RYR3: variants seen among roughly 807,000 people sequenced by gnomAD.
The protein encoded by RYR3 is brain ryanodine receptor-calcium release channel.
A neutral mutation model predicts 584.3 loss-of-function variants in RYR3; 207 were observed. The ratio of observed to expected loss-of-function variants is 0.35; its 90% CI spans 0.32 to 0.40. The LOEUF is 0.40. RYR3 is among the 10% of genes least tolerant of loss of function. The pLI is 1.00. For missense variants in RYR3, 5,616 were observed against 6,089.2 expected (o/e 0.92, Z 2.59); for synonymous variants, 2,416 against 2,248.5 (o/e 1.07, Z -2.11).
At chr15:33,619,651 T>C in intron 19 of RYR3, among the ~76,000 whole-genome samples, 1 of 152,228 alleles carries the variant, frequency 6.6e-6, no homozygotes, top group Non-Finnish European at 1.5e-5. Flanking sequence ...GTTCTATCTA[T>C]TTGAATATAA....
intron 43 of RYR3, among the ~76,000 whole-genome samples, chr15:33,712,399 G>A (rs2067188166): frequency 6.6e-6 from 1 of 152,210 alleles, no homozygotes; most frequent in Non-Finnish European, 1.5e-5. Flanking sequence ...TCACATTGAA[G>A]CTTAAAGATT....
At chr15:33,582,892 A>G (rs535166189) in intron 14 of RYR3, among the ~76,000 whole-genome samples, 1 of 152,346 alleles carries the variant, frequency 6.6e-6, no homozygotes, top group South Asian at 2.1e-4. Flanking sequence ...ATTCCAATTC[A>G]AACCTATCAT....
intron 80 of RYR3, among the ~76,000 whole-genome samples, chr15:33,822,417 T>C (rs1262138807): frequency 6.6e-6 from 1 of 152,244 alleles, no homozygotes; most frequent in African/African-American, 2.4e-5. Context: ...AGCCTTTAAC[T>C]CATCCCCCTA....
At chr15:33,739,048 A>G (rs992768905) in intron 50 of RYR3, among the ~76,000 whole-genome samples, 2 of 152,124 alleles carry the variant, frequency 1.3e-5, no homozygotes, top group African/African-American at 4.8e-5. Flanking sequence ...CTTTGCAAGC[A>G]CTCATTTGAG....
Position 33,662,472 on chromosome 15 carries a change from A to C in RYR3, c.4942A>C (p.Lys1648Gln). The C allele has an allele frequency of 6.2e-7, 1 of 1,614,050 alleles. No individual in the cohort carries two copies. ...RNIRLFPDES[K>Q]RHGLPGVGLR... ...TATCCGCCTCTTCCCGGACGAGTCC[A>C]AGAGGCATGGACTGCCTGGGGTGGG... The change falls in exon 35 of 104, where the codon AAG (lysine) becomes CAG (glutamine). Residue 1648 changes from lysine (K) to glutamine (Q), a missense_variant. By Grantham distance (53) the Lys-to-Gln change is moderately conservative (BLOSUM62 1). Transcript: ENST00000634891.
chr15:33,669,852 G>GT lies in RYR3; in HGVS notation c.5722+396_5722+397insT, dbSNP rs1566919686. On this transcript the variant is annotated intron_variant, in intron 37 of 103. Coordinates refer to ENST00000634891, the MANE Select transcript of RYR3 (RefSeq NM_001036.6). ...TAGGGGTGTGTGTGTGTGGGGGGGG[G>GT]GGGGGGTGTGGGTGTGTGGGTGTGT... 9.6e-4 allele frequency among the ~76,000 whole-genome samples: 39 copies of GT among 40,584 alleles called. 1 individual carries two copies. Among genetic ancestry groups the GT allele is most frequent in the African/African-American group, 2.4e-3 (37 of 15,594 alleles). 26.6% of individuals were successfully genotyped at this position (40,584 alleles called of 152,430 possible). A position where few individuals can be genotyped will look rare whatever the true frequency, so the allele number is the denominator to read the frequency against.
chr15:33,724,487 T>C (rs1042092287), intron 45 of RYR3, among the ~76,000 whole-genome samples: 39 of 152,166 alleles, frequency 2.6e-4, no homozygotes, highest in Non-Finnish European at 2.2e-4. Flanking sequence ...GGGAGCAACT[T>C]GATTCTGGAT....
intron 43 of RYR3, among the ~76,000 whole-genome samples, chr15:33,717,030 T>A (rs2067545808): frequency 6.6e-6 from 1 of 152,232 alleles, no homozygotes; most frequent in Admixed American, 6.5e-5. Context: ...ATTCAAGTTT[T>A]ATTTGGCATA....
chr15:33,857,770 T>G lies in RYR3; in HGVS notation c.14008-10T>G. 2 of 1,614,000 alleles carry G rather than the reference T, an allele frequency of 1.2e-6. No individual in the cohort carries two copies. Among genetic ancestry groups the G allele is most frequent in the Non-Finnish European group, 1.7e-6 (2 of 1,179,864 alleles). On this transcript the variant is annotated splice_polypyrimidine_tract_variant and intron_variant, in intron 98 of 103. Transcript: ENST00000634891. ...CACTCCTTTTCCTTTCTCTGTCCTC[T>G]CATTCCCAGTTGGTTCTGACTGTCG...
At chr15:33,652,271 C>T (rs1027905908) in intron 31 of RYR3, among the ~76,000 whole-genome samples, 1 of 152,150 alleles carries the variant, frequency 6.6e-6, no homozygotes, top group Non-Finnish European at 1.5e-5. Flanking sequence ...AAGTGTTTTA[C>T]AGCCTTTTGC....
intron 36 of RYR3, among the ~76,000 whole-genome samples, chr15:33,667,320 T>C (rs1309232080): frequency 6.6e-6 from 1 of 152,244 alleles, no homozygotes; most frequent in Admixed American, 6.5e-5. Flanking sequence ...CGTGGCCCTA[T>C]AGGCAGAATT....
At chr15:33,314,706 A>G (rs1567009420) in intron 1 of RYR3, among the ~76,000 whole-genome samples, 1 of 152,078 alleles carries the variant, frequency 6.6e-6, no homozygotes, top group Non-Finnish European at 1.5e-5. Context: ...CGAGGTCAGG[A>G]GATCGAGACC....
At chr15:33,436,558 T>A (rs1233179366) in intron 1 of RYR3, among the ~76,000 whole-genome samples, 3 of 151,418 alleles carry the variant, frequency 2.0e-5, no homozygotes, top group Admixed American at 1.3e-4. Flanking sequence ...TGGAGTGCAG[T>A]GATGCAATCT....
chr15:33,489,670 A>G (rs1216711009), intron 2 of RYR3, among the ~76,000 whole-genome samples: 1 of 152,204 alleles, frequency 6.6e-6, no homozygotes, highest in African/African-American at 2.4e-5. Context: ...ATGAATATTC[A>G]TGTGGAATAG....
intron 2 of RYR3, among the ~76,000 whole-genome samples, chr15:33,489,106 T>C (rs887457994): frequency 2.0e-5 from 3 of 152,170 alleles, no homozygotes; most frequent in Non-Finnish European, 4.4e-5. Context: ...AGGCCTGAAT[T>C]TTGCTACCTG....
chr15:33,401,047 G>A (rs1399941614), intron 1 of RYR3, among the ~76,000 whole-genome samples: 1 of 152,114 alleles, frequency 6.6e-6, no homozygotes, highest in Non-Finnish European at 1.5e-5. Flanking sequence ...TGGAACATGT[G>A]AAAGGCATTA....
chr15:33,557,814 A>G (rs1307763489), intron 10 of RYR3, among the ~76,000 whole-genome samples: 1 of 152,214 alleles, frequency 6.6e-6, no homozygotes, highest in Non-Finnish European at 1.5e-5. Flanking sequence ...TCAGCCAAAT[A>G]CTAATATGAC....
At chr15:33,351,408 A>G (rs1438806988) in intron 1 of RYR3, among the ~76,000 whole-genome samples, 1 of 152,132 alleles carries the variant, frequency 6.6e-6, no homozygotes, top group Non-Finnish European at 1.5e-5. Context: ...AACTCATTTT[A>G]TGAGGCCAGC....
At chr15:33,565,334 G>C (rs1259489292) in intron 11 of RYR3, among the ~76,000 whole-genome samples, 1 of 152,104 alleles carries the variant, frequency 6.6e-6, no homozygotes, top group African/African-American at 2.4e-5. Context: ...TTCTCACAAA[G>C]TAATATTTTC....
Sources: gnomAD v4.1 joint callset for allele counts (sites outside exome capture counted in the v4.1 genomes callset) on GRCh38, gnomAD v4.1.1 for gene constraint, MANE v1.5 for transcripts, NCBI Gene and HGNC (gene_info 2026-07-23, HGNC 2026-07-21) for gene names.